VPS53: variants seen among roughly 807,000 people sequenced by gnomAD.
VPS53 encodes the protein vacuolar protein sorting-associated protein 53 homolog.
A neutral mutation model predicts 107.0 loss-of-function variants in VPS53; 70 were observed. That is an observed-to-expected ratio of 0.65 (90% CI 0.54 to 0.80). The LOEUF is 0.80. Among genes scored for constraint, VPS53 ranks in the 30% least tolerant of loss-of-function variants. The pLI is 0.00. For missense variants in VPS53, 917 were observed against 1,049.4 expected, an observed-to-expected ratio of 0.87 and a Z score of 1.74; for synonymous variants, 409 against 393.3, an observed-to-expected ratio of 1.04 and a Z score of -0.47.
At chr17:572,995 C>T (rs1914308183) in intron 13 of VPS53, among the ~76,000 whole-genome samples, 1 of 151,720 alleles carries the variant, frequency 6.6e-6, no homozygotes. Context: ...GCCAAATCCC[C>T]CTCTGTGAGA....
chr17:694,165 G>C (rs187054441), intron 4 of VPS53, among the ~76,000 whole-genome samples: 7 of 152,246 alleles, frequency 4.6e-5, no homozygotes, highest in Non-Finnish European at 8.8e-5. Flanking sequence ...ATTTCTTCTG[G>C]GCTTCCTTTC....
intron 13 of VPS53, among the ~76,000 whole-genome samples, chr17:572,933 T>C (rs1011541909): frequency 3.3e-5 from 5 of 151,830 alleles, no homozygotes; most frequent in East Asian, 1.9e-4. Context: ...CCAGAGACCT[T>C]TGTTCACTTG....
At chr17:533,043 C>T in intron 18 of VPS53, 132 bp from the exon 19 acceptor site, 1 of 1,405,896 alleles carries the variant, frequency 7.1e-7, no homozygotes, top group South Asian at 1.5e-5. Flanking sequence ...TCCACTGTTG[C>T]CCATTATCTT....
intron 7 of VPS53, among the ~76,000 whole-genome samples, chr17:642,460 A>G (rs943065651): frequency 8.6e-5 from 13 of 151,670 alleles, no homozygotes; most frequent in African/African-American, 3.1e-4. Flanking sequence ...GCAACTGAGG[A>G]CAACACTCAT....
intron 4 of VPS53, among the ~76,000 whole-genome samples, chr17:678,161 G>A (rs1368770029): frequency 6.6e-6 from 1 of 152,092 alleles, no homozygotes; most frequent in Non-Finnish European, 1.5e-5. Context: ...CACGCCTGAA[G>A]TCCCAGCACT....
intron 11 of VPS53, among the ~76,000 whole-genome samples, chr17:604,762 G>A (rs749810725): frequency 2.6e-5 from 4 of 152,154 alleles, no homozygotes; most frequent in Admixed American, 1.3e-4. Flanking sequence ...CATGAGGGGA[G>A]TTGTGGACAT....
At chr17:530,817 A>C (rs889452225) in intron 19 of VPS53, among the ~76,000 whole-genome samples, 3 of 152,230 alleles carry the variant, frequency 2.0e-5, no homozygotes, top group African/African-American at 4.8e-5. Context: ...GTGCCCTTGC[A>C]ATTGCTCGAG....
chr17:661,054 G>A (rs1272452147), intron 5 of VPS53, among the ~76,000 whole-genome samples: 2 of 151,928 alleles, frequency 1.3e-5, no homozygotes, highest in African/African-American at 2.4e-5. Flanking sequence ...GATCATGGGC[G>A]GGGACATCCC....
intron 13 of VPS53, among the ~76,000 whole-genome samples, chr17:564,158 G>A (rs2151855034): frequency 1.3e-5 from 2 of 152,268 alleles, no homozygotes; most frequent in Middle Eastern, 3.4e-3. Flanking sequence ...CACTTTGGGA[G>A]GCCCAGGCGG....
chr17:650,746 A>G (rs1970910550), intron 7 of VPS53, among the ~76,000 whole-genome samples: 1 of 152,228 alleles, frequency 6.6e-6, no homozygotes, highest in South Asian at 2.1e-4. Flanking sequence ...TCTGTCCCAG[A>G]GAAATACTTG....
intron 11 of VPS53, among the ~76,000 whole-genome samples, chr17:622,698 G>T (rs1304010281): frequency 6.6e-6 from 1 of 151,882 alleles, no homozygotes; most frequent in Non-Finnish European, 1.5e-5. Flanking sequence ...GGCCTCCAAA[G>T]AGAAGAGGTT....
At chr17:667,861 C>T (rs898901678) in intron 4 of VPS53, among the ~76,000 whole-genome samples, 14 of 152,052 alleles carry the variant, frequency 9.2e-5, no homozygotes, top group Admixed American at 7.2e-4. Flanking sequence ...AGATCAGCAG[C>T]GGTATTAGAT....
chr17:627,709 A>G (rs1969773458), intron 9 of VPS53, among the ~76,000 whole-genome samples: 1 of 152,060 alleles, frequency 6.6e-6, no homozygotes. Context: ...CCGGGAGGCA[A>G]GGTTGCAGTA....
rs530918785 is a variant in VPS53, at chr17:559,141, A to G, written c.1704+1285T>C. 3.3e-5 allele frequency among the ~76,000 whole-genome samples: 5 copies of G among 152,302 alleles called. No individual in the cohort carries two copies. In the South Asian group the frequency reaches 1.0e-3, roughly 32 times the overall value. Reference sequence around the variant, plus strand: ...TAATGACAGGAGAAATGCTAATGCTATGTATGACACTAACAATAAAAGGAT... The same window carrying G: ...TAATGACAGGAGAAATGCTAATGCTGTGTATGACACTAACAATAAAAGGAT... On this transcript the variant is annotated intron_variant, in intron 15 of 21. Transcript: ENST00000437048.
At chr17:624,586 G>T (rs887495806) in intron 10 of VPS53, among the ~76,000 whole-genome samples, 5 of 152,184 alleles carry the variant, frequency 3.3e-5, no homozygotes, top group African/African-American at 4.8e-5. Flanking sequence ...TGTATCTGTA[G>T]GATTTTAGCC....
chr17:714,457 T>C, intron 1 of VPS53, 166 bp downstream of exon 1: 1 of 629,854 alleles, frequency 1.6e-6, no homozygotes, highest in South Asian at 1.9e-5. Context: ...TTCCTTTCCT[T>C]CTGATTCAGA....
intron 17 of VPS53, among the ~76,000 whole-genome samples, chr17:547,494 G>T (rs542214475): frequency 6.6e-6 from 1 of 152,296 alleles, no homozygotes; most frequent in African/African-American, 2.4e-5. Flanking sequence ...GAGACAGAAA[G>T]TAGGCTAATG....
chr17:536,103 T>C (rs532090559), intron 18 of VPS53, among the ~76,000 whole-genome samples: 2 of 152,266 alleles, frequency 1.3e-5, no homozygotes, highest in East Asian at 3.9e-4. Flanking sequence ...CTAAGCCAGA[T>C]GGTGATCGGC....
intron 6 of VPS53, among the ~76,000 whole-genome samples, chr17:654,357 A>C (rs1194990897): frequency 6.6e-6 from 1 of 152,182 alleles, no homozygotes; most frequent in Admixed American, 6.5e-5. Context: ...ACAGGGAGGA[A>C]ATATAAACTA....
Sources: allele counts gnomAD v4.1 joint callset (sites outside exome capture counted in the v4.1 genomes callset), GRCh38; gene constraint gnomAD v4.1.1; transcripts MANE v1.5; gene names NCBI Gene and HGNC (gene_info 2026-07-23, HGNC 2026-07-21).